The following SLC39A11 variants were observed in gnomAD, a reference collection of about 807,000 sequenced individuals.
SLC39A11 encodes solute carrier family 39 member 11, also known as zinc transporter ZIP11.
A neutral mutation model predicts 36.1 loss-of-function variants in SLC39A11; 33 were observed. The ratio of observed to expected loss-of-function variants is 0.91; its 90% CI spans 0.69 to 1.22. SLC39A11 has a LOEUF of 1.22. SLC39A11 is among the 50% of genes most tolerant of loss of function. The pLI, the probability that SLC39A11 is intolerant of heterozygous loss-of-function variation, is 0.00. For missense variants in SLC39A11, 432 were observed against 430.3 expected, an observed-to-expected ratio of 1.00 and a Z score of -0.03; for synonymous variants, 166 against 170.3, an observed-to-expected ratio of 0.97 and a Z score of 0.20.
intron 6 of SLC39A11, among the ~76,000 whole-genome samples, chr17:72,784,343 T>C (rs1457003375): frequency 6.6e-6 from 1 of 151,990 alleles, no homozygotes; most frequent in East Asian, 1.9e-4. Context: ...AGACTCTGTC[T>C]CTAAAACAAA....
At chr17:72,942,401 T>C (rs768723032) in intron 5 of SLC39A11, among the ~76,000 whole-genome samples, 7 of 152,126 alleles carry the variant, frequency 4.6e-5, no homozygotes, top group Admixed American at 3.9e-4. Context: ...ACATGAACTG[T>C]TGTGAAAATA....
chr17:72,824,206 T>TA lies in SLC39A11; in HGVS notation c.601+25427dup, dbSNP rs1169054953. Among the ~76,000 whole-genome samples the TA allele has an allele frequency of 3.3e-5, 5 of 151,196 alleles. 1 individual carries two copies. Among genetic ancestry groups the TA allele is most frequent in the African/African-American group, 1.2e-4 (5 of 41,474 alleles). ...CCCTTGCTGTTGTCATGATAGTGAA[T>TA]ATGTTCTCATGAAATCTCATTGTTT... On this transcript the variant is annotated intron_variant, in intron 6 of 9. Coordinates refer to ENST00000255559, the MANE Select transcript of SLC39A11 (RefSeq NM_139177.4).
intron 4 of SLC39A11, among the ~76,000 whole-genome samples, chr17:72,961,617 T>G: frequency 6.6e-6 from 1 of 151,806 alleles, no homozygotes; most frequent in East Asian, 1.9e-4. Context: ...AAACCATCAC[T>G]CTCAGCAAAC....
At chr17:72,924,073 G>A (rs981367144) in intron 5 of SLC39A11, among the ~76,000 whole-genome samples, 3 of 151,092 alleles carry the variant, frequency 2.0e-5, no homozygotes, top group Non-Finnish European at 4.4e-5. Flanking sequence ...CTTGAGCCCG[G>A]GCTATCAAGG....
intron 5 of SLC39A11, among the ~76,000 whole-genome samples, chr17:72,901,045 C>T (rs1184816263): frequency 6.6e-6 from 1 of 151,514 alleles, no homozygotes; most frequent in Non-Finnish European, 1.5e-5. Context: ...CAGGAGGTTG[C>T]AACGCTGAGG....
chr17:73,088,033 G>A (rs1248648412), intron 2 of SLC39A11, among the ~76,000 whole-genome samples: 3 of 152,064 alleles, frequency 2.0e-5, no homozygotes, highest in African/African-American at 7.2e-5. Context: ...GGCCAGGCAC[G>A]GTGGCTCACA....
chr17:72,804,460 G>A (rs1428038236), intron 6 of SLC39A11, among the ~76,000 whole-genome samples: 1 of 152,178 alleles, frequency 6.6e-6, no homozygotes, highest in East Asian at 1.9e-4. Context: ...AAAGTCGAGG[G>A]TTGGATATGA....
intron 7 of SLC39A11, among the ~76,000 whole-genome samples, chr17:72,705,388 A>G (rs751756926): frequency 2.0e-5 from 3 of 152,176 alleles, no homozygotes; most frequent in Non-Finnish European, 4.4e-5. Flanking sequence ...AGTACAGCTG[A>G]TTGCAACTAT....
At position 72,849,689 on chromosome 17, in the gene SLC39A11, G is replaced by C; in HGVS notation, c.546C>G (p.Ser182Arg). ...TGAGCAGTGCGATCCTCCTCCAGCT[G>C]CTGCCGCCGGGCTGTGCCAGATTCC... ...SRGNLAQPGG[S>R]SWRRIALLIL... The change falls in exon 6 of 10, where the codon AGC becomes AGG. Residue 182 changes from serine to arginine, a missense_variant. Coordinates refer to ENST00000255559, the MANE Select transcript of SLC39A11 (RefSeq NM_139177.4). The C allele has an allele frequency of 6.2e-7, 1 of 1,609,040 alleles. No homozygotes were observed. Among genetic ancestry groups the C allele is most frequent in the South Asian group, 1.1e-5 (1 of 90,286 alleles).
At chr17:72,908,091 T>C (rs1276649068) in intron 5 of SLC39A11, among the ~76,000 whole-genome samples, 1 of 152,182 alleles carries the variant, frequency 6.6e-6, no homozygotes, top group Non-Finnish European at 1.5e-5. Flanking sequence ...TTATTCTGCA[T>C]GTGCCACAAG....
chr17:73,040,583 AT>A (rs2059072601), intron 3 of SLC39A11, among the ~76,000 whole-genome samples: 1 of 152,226 alleles, frequency 6.6e-6, no homozygotes, highest in Non-Finnish European at 1.5e-5. Flanking sequence ...AGATGTTCAC[AT>A]TGGGGGAAAC....
chr17:72,729,451 A>ATT (rs2074119588), intron 7 of SLC39A11, among the ~76,000 whole-genome samples: 1 of 6,450 alleles, frequency 1.6e-4, no homozygotes, highest in African/African-American at 4.7e-4. Flanking sequence ...ATATATATAT[A>ATT]TATATATTTT....
At chr17:72,898,478 A>G (rs1050417049) in intron 5 of SLC39A11, among the ~76,000 whole-genome samples, 1 of 152,216 alleles carries the variant, frequency 6.6e-6, no homozygotes, top group African/African-American at 2.4e-5. Flanking sequence ...TCCCCTGAAC[A>G]GGACCAGACC....
At chr17:73,076,647 G>A (rs1263160651) in intron 3 of SLC39A11, among the ~76,000 whole-genome samples, 1 of 152,142 alleles carries the variant, frequency 6.6e-6, no homozygotes, top group Non-Finnish European at 1.5e-5. Flanking sequence ...GGCTGAGGGA[G>A]CAAAGCCTTT....
intron 7 of SLC39A11, among the ~76,000 whole-genome samples, chr17:72,728,982 A>T (rs936980741): frequency 6.6e-6 from 1 of 152,158 alleles, no homozygotes; most frequent in Admixed American, 6.5e-5. Flanking sequence ...GGTCATCACA[A>T]CATCCAGTAT....
chr17:72,829,076 G>C (rs1395132999), intron 6 of SLC39A11, among the ~76,000 whole-genome samples: 1 of 152,220 alleles, frequency 6.6e-6, no homozygotes, highest in Admixed American at 6.5e-5. Context: ...CCTCAGCCAG[G>C]TGCGGCGGCT....
At chr17:72,899,884 C>T (rs767739706) in intron 5 of SLC39A11, among the ~76,000 whole-genome samples, 3 of 151,016 alleles carry the variant, frequency 2.0e-5, no homozygotes, top group Non-Finnish European at 2.9e-5. Flanking sequence ...ATTGTGTGAG[C>T]CTGGGAGGTG....
At chr17:73,059,012 A>G (rs1423641192) in intron 3 of SLC39A11, among the ~76,000 whole-genome samples, 2 of 152,210 alleles carry the variant, frequency 1.3e-5, no homozygotes, top group Non-Finnish European at 2.9e-5. Flanking sequence ...TTTATAAATG[A>G]ATTTGTCATT....
At chr17:72,740,545 T>C (rs1000666373) in intron 6 of SLC39A11, among the ~76,000 whole-genome samples, 3 of 152,196 alleles carry the variant, frequency 2.0e-5, no homozygotes, top group African/African-American at 7.2e-5. Flanking sequence ...AGTTCATTTT[T>C]TCTTATAACG....
Sources: allele counts gnomAD v4.1 joint callset (sites outside exome capture counted in the v4.1 genomes callset), GRCh38; gene constraint gnomAD v4.1.1; transcripts MANE v1.5; gene names NCBI Gene and HGNC (gene_info 2026-07-23, HGNC 2026-07-21).